The following IMMP2L variants were observed in gnomAD, a reference collection of about 807,000 sequenced individuals.
The protein encoded by IMMP2L is mitochondrial inner membrane protease subunit 2.
In IMMP2L, 18 loss-of-function variants were observed where a neutral mutation model predicts 19.3. The ratio of observed to expected loss-of-function variants is 0.93; its 90% CI spans 0.64 to 1.38. IMMP2L has a LOEUF of 1.38. Among genes scored for constraint, IMMP2L ranks in the 40% most tolerant of loss-of-function variants. The probability of loss-of-function intolerance (pLI) is 0.00; values close to 1 mark genes in which losing one functional copy is unlikely to be tolerated. For missense variants in IMMP2L, 233 were observed against 218.2 expected (o/e 1.07, Z -0.43); for synonymous variants, 76 against 73.0 (o/e 1.04, Z -0.21).
At chr7:111,274,497 T>C (rs1227283700) in intron 3 of IMMP2L, among the ~76,000 whole-genome samples, 1 of 152,198 alleles carries the variant, frequency 6.6e-6, no homozygotes, top group Non-Finnish European at 1.5e-5. Flanking sequence ...CTTGTGGTTT[T>C]CTGATAGGCT....
chr7:110,984,409 T>C (rs1049217993), intron 3 of IMMP2L, among the ~76,000 whole-genome samples: 1 of 151,940 alleles, frequency 6.6e-6, no homozygotes, highest in Admixed American at 6.6e-5. Flanking sequence ...AATACATGAA[T>C]ATTTTAAATA....
intron 5 of IMMP2L, among the ~76,000 whole-genome samples, chr7:110,748,929 C>A (rs117579880): frequency 0.021 from 3,255 of 152,218 alleles, 76 homozygotes; most frequent in Admixed American, 0.067. Context: ...AGCTTTTGCA[C>A]AGCAATAGAA....
intron 5 of IMMP2L, among the ~76,000 whole-genome samples, chr7:110,706,699 T>C (rs1794707589): frequency 6.6e-6 from 1 of 152,102 alleles, no homozygotes; most frequent in Non-Finnish European, 1.5e-5. Flanking sequence ...ATGGGGTTGT[T>C]TTTGCTTGTT....
chr7:111,084,548 T>A (rs548736597), intron 3 of IMMP2L, among the ~76,000 whole-genome samples: 1 of 152,250 alleles, frequency 6.6e-6, no homozygotes, highest in South Asian at 2.1e-4. Context: ...AAAGTAGTAA[T>A]TACATAGTAG....
At chr7:110,833,650 T>G (rs1464415284) in intron 5 of IMMP2L, among the ~76,000 whole-genome samples, 2 of 152,124 alleles carry the variant, frequency 1.3e-5, no homozygotes, top group Non-Finnish European at 2.9e-5. Flanking sequence ...AGCAATGACT[T>G]TTTTAAATAA....
At chr7:111,122,717 A>G (rs1009396482) in intron 3 of IMMP2L, 2 of 1,373,550 alleles carry the variant, frequency 1.5e-6, no homozygotes, top group African/African-American at 1.4e-5. Flanking sequence ...TGAACTTACT[A>G]GCACTGACTG....
chr7:110,981,896 C>T (rs896982808), intron 3 of IMMP2L, among the ~76,000 whole-genome samples: 1 of 152,076 alleles, frequency 6.6e-6, no homozygotes, highest in African/African-American at 2.4e-5. Flanking sequence ...AGACAAGTGT[C>T]TTCAAACACC....
At position 111,165,828 on chromosome 7, in the gene IMMP2L, T is replaced by C. The variant is rs1017553650; in HGVS notation, c.240-202263A>G. ...GAGATCAAATTGCAGCTCTGCCTTCTACCATTTGAAGGCCAAGCCCCCGGC... is the reference window on the plus strand; with the variant it reads ...GAGATCAAATTGCAGCTCTGCCTTCCACCATTTGAAGGCCAAGCCCCCGGC... On this transcript the variant is annotated intron_variant, in intron 3 of 5. Transcript: ENST00000405709. Among the ~76,000 whole-genome samples, 4 of 152,026 alleles carry C rather than the reference T, an allele frequency of 2.6e-5. No homozygotes were observed. In the South Asian group the frequency reaches 6.2e-4, roughly 24 times the overall value.
chr7:111,071,674 T>G (rs550676162), intron 3 of IMMP2L, among the ~76,000 whole-genome samples: 2 of 152,018 alleles, frequency 1.3e-5, no homozygotes, highest in Non-Finnish European at 2.9e-5. Flanking sequence ...ATTTCTAGAA[T>G]AGGTAAATTC....
intron 1 of IMMP2L, among the ~76,000 whole-genome samples, chr7:111,549,165 A>C (rs1849216186): frequency 6.6e-6 from 1 of 152,150 alleles, no homozygotes; most frequent in African/African-American, 2.4e-5. Context: ...CCAAATCATT[A>C]TTTCCCTTCT....
chr7:111,323,690 GC>G (rs1238925880), intron 3 of IMMP2L, among the ~76,000 whole-genome samples: 1 of 151,944 alleles, frequency 6.6e-6, no homozygotes, highest in African/African-American at 2.4e-5. Flanking sequence ...ACACATCCAC[GC>G]ATATGTTTAT....
chr7:111,340,750 G>A (rs762722904), intron 3 of IMMP2L, among the ~76,000 whole-genome samples: 19 of 152,000 alleles, frequency 1.3e-4, no homozygotes, highest in Non-Finnish European at 2.1e-4. Flanking sequence ...ATACTACATA[G>A]CAAAAAAACA....
At chr7:111,365,758 C>G (rs1829703665) in intron 3 of IMMP2L, among the ~76,000 whole-genome samples, 1 of 152,054 alleles carries the variant, frequency 6.6e-6, no homozygotes, top group Non-Finnish European at 1.5e-5. Context: ...CAAAAAGAAT[C>G]ATGGCTTCTG....
chr7:110,847,411 T>C (rs543804217), intron 5 of IMMP2L, among the ~76,000 whole-genome samples: 69 of 152,332 alleles, frequency 4.5e-4, no homozygotes, highest in African/African-American at 1.5e-3. Flanking sequence ...ATCGATTTAA[T>C]ACACGCTCAT....
chr7:111,016,314 G>A (rs1019953072), intron 3 of IMMP2L, among the ~76,000 whole-genome samples: 1 of 142,840 alleles, frequency 7.0e-6, no homozygotes, highest in Non-Finnish European at 1.5e-5. Flanking sequence ...TGTCAAACTT[G>A]AAAAAAAGTC....
At chr7:110,922,794 T>C (rs1814434049) in intron 4 of IMMP2L, among the ~76,000 whole-genome samples, 1 of 152,154 alleles carries the variant, frequency 6.6e-6, no homozygotes, top group Non-Finnish European at 1.5e-5. Context: ...CAAATGTATA[T>C]CATGAGCAAA....
chr7:111,521,176 T>C (rs986263161), intron 2 of IMMP2L, 137 bp downstream of exon 2: 2 of 907,054 alleles, frequency 2.2e-6, no homozygotes, highest in East Asian at 2.4e-5. Flanking sequence ...ACAAATTCAG[T>C]AAAGTAAAAT....
At position 111,019,280 on chromosome 7, in the gene IMMP2L, C is replaced by G. The variant is rs140895432; in HGVS notation, c.240-55715G>C. ...CTGTGAGCTCTTTGCTGCCTTTGCT[C>G]CAGTGTTCCAGGGCTTCCTTACTTT... On this transcript the variant is annotated intron_variant, in intron 3 of 5. Transcript: ENST00000405709. Among the ~76,000 whole-genome samples the G allele has an allele frequency of 1.4e-4, 21 of 152,288 alleles. No individual in the cohort carries two copies. In the East Asian group the frequency reaches 4.1e-3, roughly 29 times the overall value.
At chr7:110,761,057 G>C (rs1466360917) in intron 5 of IMMP2L, among the ~76,000 whole-genome samples, 5 of 152,162 alleles carry the variant, frequency 3.3e-5, no homozygotes, top group Non-Finnish European at 5.9e-5. Context: ...TGGTGTATCA[G>C]AGCAGTTCTT....
Sources: allele counts gnomAD v4.1 joint callset (sites outside exome capture counted in the v4.1 genomes callset), GRCh38; gene constraint gnomAD v4.1.1; transcripts MANE v1.5; gene names NCBI Gene and HGNC (gene_info 2026-07-23, HGNC 2026-07-21).